ZFP57: variants seen among roughly 807,000 people sequenced by gnomAD.
The protein encoded by ZFP57 is ZFP57 zinc finger protein, also known as zinc finger protein 57 homolog.
A neutral mutation model predicts 15.8 loss-of-function variants in ZFP57; 12 were observed. The observed-to-expected ratio is 0.76, with a 90% CI of 0.49 to 1.23. ZFP57 has a LOEUF of 1.23. ZFP57 is among the 50% of genes most tolerant of loss of function. ZFP57 has a pLI of 0.00. For missense variants in ZFP57, 536 were observed against 654.9 expected (o/e 0.82, Z 1.98); for synonymous variants, 203 against 242.3 (o/e 0.84, Z 1.51).
chr6:29,672,481 G>C, downstream of ZFP57: 2 of 1,612,806 alleles, frequency 1.2e-6, no homozygotes, highest in Non-Finnish European at 1.7e-6. Context: ...CAAAGAAAGA[G>C]CTCAGTCAGA....
At position 29,673,294 on chromosome 6, in the gene ZFP57, C is replaced by T; in HGVS notation, c.817G>A (p.Glu273Lys). ...TGTATCTTCTGGTGGCGTTTGAGCTCAGACTGGTCCCGGAAGCTCTTCCCA... is the reference window on the plus strand; with the variant it reads ...TGTATCTTCTGGTGGCGTTTGAGCTTAGACTGGTCCCGGAAGCTCTTCCCA... ...VCGKSFRDQS[E>K]LKRHQKIHQN... is the part of the protein sequence containing the mutation. Residue 273 changes from glutamate to lysine, a missense_variant, in exon 5 of 5, where the codon GAG (glutamate) becomes AAG (lysine). Glu to Lys is a moderately conservative substitution (Grantham distance 56). Coordinates refer to ENST00000376883, the MANE Select transcript of ZFP57 (RefSeq NM_001109809.5). This position sits in a 1 kb window ranked among gnomAD's most constrained non-coding sequence, Gnocchi z 4.7. 6.2e-7 allele frequency: 1 copy of T among 1,613,042 alleles called. No individual in the cohort carries two copies. The highest frequency in any genetic ancestry group is 8.5e-7 in the Non-Finnish European group (1 of 1,180,034).
At chr6:29,678,203 CA>C (rs895230301) in intron 1 of ZFP57, among the ~76,000 whole-genome samples, 44 of 151,502 alleles carry the variant, frequency 2.9e-4, no homozygotes, top group African/African-American at 1.0e-3. Context: ...GACTCCGTCT[CA>C]AAAAAAAATC....
chr6:29,673,539 T>C lies in ZFP57; in HGVS notation c.572A>G (p.Tyr191Cys), dbSNP rs368581073. The change falls in exon 5 of 5, where the codon TAT (tyrosine) becomes TGT (cysteine). Residue 191 changes from tyrosine (Y) to cysteine (C), a missense_variant. Physicochemically the swap from Tyr to Cys is radical, Grantham distance 194. Coordinates refer to ENST00000376883, the MANE Select transcript of ZFP57 (RefSeq NM_001109809.5). This position sits in a 1 kb window ranked among gnomAD's most constrained non-coding sequence, Gnocchi z 4.7. ...GGGATTGTGAACAAACTGGTGGCTA[T>C]AGAGGTAGGAGCGCCTGCTGAAACA... ...GKCFSRRSYLYSHQFVHNPKL... is the reference protein window; with the variant it reads ...GKCFSRRSYLCSHQFVHNPKL... 1.4e-5 allele frequency: 23 copies of C among 1,612,958 alleles called. No homozygotes were observed. The highest frequency in any genetic ancestry group is 1.9e-5 in the Non-Finnish European group (23 of 1,180,040).
intron 1 of ZFP57, among the ~76,000 whole-genome samples, chr6:29,678,595 TGAGA>T (rs56720368): frequency 0.087 from 13,284 of 152,244 alleles, 854 homozygotes; most frequent in African/African-American, 0.18. Flanking sequence ...TAAATTATTT[TGAGA>T]GAGATACCAC....
chr6:29,673,518 T>C lies in ZFP57; in HGVS notation c.593A>G (p.Asn198Ser), dbSNP rs9461544. The change falls in exon 5 of 5, where the codon AAT becomes AGT. Residue 198 changes from asparagine (N) to serine (S), a missense_variant. By Grantham distance (46) the Asn-to-Ser change is conservative. Transcript: ENST00000376883. This position sits in a 1 kb window ranked among gnomAD's most constrained non-coding sequence, Gnocchi z 4.7. ...ACTGCAGCTGTTAGTCAGCTTGGGA[T>C]TGTGAACAAACTGGTGGCTATAGAG... is the stretch of plus-strand genomic sequence containing the variant. ...SYLYSHQFVHNPKLTNSCSQC... is the reference protein window; with the variant it reads ...SYLYSHQFVHSPKLTNSCSQC... 3.8e-3 allele frequency: 6,159 copies of C among 1,613,052 alleles called. 183 individuals are homozygous for C. In the African/African-American group the frequency reaches 0.069, roughly 18 times the overall value.
intron 1 of ZFP57, among the ~76,000 whole-genome samples, chr6:29,679,910 CAAA>C (rs67398923): frequency 1.3e-4 from 14 of 107,296 alleles, no homozygotes; most frequent in East Asian, 3.2e-4. Context: ...AACAAACAAA[CAAA>C]AAAAAACGCC....
At position 29,673,391 on chromosome 6, in the gene ZFP57, G is replaced by C; in HGVS notation, c.720C>G (p.Tyr240Ter). 2 of 1,613,086 alleles carry C rather than the reference G, an allele frequency of 1.2e-6. No individual in the cohort carries two copies. Residue 240 changes from tyrosine (Y) to a stop codon, truncating the protein, a stop_gained, in exon 5 of 5, where the codon TAC (tyrosine) becomes TAG (stop). Coordinates refer to ENST00000376883, the MANE Select transcript of ZFP57 (RefSeq NM_001109809.5). LOFTEE classifies it low-confidence loss of function (END_TRUNC). The surrounding 1 kb of genome is among the most constrained non-coding windows in gnomAD (Gnocchi z 4.7). ...PFCCTLCDKT[Y>*]CDASGLSRHR... ...GACGACTTAGTCCAGAAGCATCACA[G>C]TAGGTCTTGTCACAGAGCGTGCAAC...
Position 29,673,340 on chromosome 6 carries a change from C to G in ZFP57, c.771G>C (p.Arg257=). 1 of 1,613,034 alleles carries G rather than the reference C, an allele frequency of 6.2e-7. No homozygotes were observed. The highest frequency in any genetic ancestry group is 1.1e-5 in the South Asian group (1 of 91,084). The change falls in exon 5 of 5, where the codon CGG becomes CGC. Residue 257 remains arginine, a synonymous_variant. Coordinates refer to ENST00000376883, the MANE Select transcript of ZFP57 (RefSeq NM_001109809.5). This position sits in a 1 kb window ranked among gnomAD's most constrained non-coding sequence, Gnocchi z 4.7. ...SRHRRVHLGY[R]PHSCSVCGKS... Reference sequence around the variant, plus strand: ...TCCCACACACAGAGCATGAATGGGGCCGGTAACCCAGATGGACGCGGCGGT... The same window carrying G: ...TCCCACACACAGAGCATGAATGGGGGCGGTAACCCAGATGGACGCGGCGGT...
rs1771862666 is a variant in ZFP57, at chr6:29,673,526, A to C, written c.585T>G (p.Phe195Leu). Residue 195 changes from phenylalanine to leucine, a missense_variant, in exon 5 of 5, where the codon TTT becomes TTG. Phe to Leu is a conservative substitution (Grantham distance 22, BLOSUM62 0). Coordinates refer to ENST00000376883, the MANE Select transcript of ZFP57 (RefSeq NM_001109809.5). This position sits in a 1 kb window ranked among gnomAD's most constrained non-coding sequence, Gnocchi z 4.7. ...SRRSYLYSHQ[F>L]VHNPKLTNSC... ...TGTTAGTCAGCTTGGGATTGTGAAC[A>C]AACTGGTGGCTATAGAGGTAGGAGC... The C allele has an allele frequency of 6.2e-7, 1 of 1,612,968 alleles. No homozygotes were observed. The highest frequency in any genetic ancestry group is 1.3e-5 in the African/African-American group (1 of 74,928).
intron 2 of ZFP57, among the ~76,000 whole-genome samples, chr6:29,676,451 G>A (rs1302138871): frequency 2.7e-5 from 4 of 150,602 alleles, no homozygotes; most frequent in Non-Finnish European, 5.9e-5. Context: ...CAGGAGAATT[G>A]CTTGAGCCCG....
intron 4 of ZFP57, among the ~76,000 whole-genome samples, chr6:29,674,986 C>T (rs1364506811): frequency 6.6e-6 from 1 of 151,920 alleles, no homozygotes; most frequent in Admixed American, 6.6e-5. Context: ...AACCCTGTCT[C>T]TACTAAAAAT....
intron 1 of ZFP57, among the ~76,000 whole-genome samples, chr6:29,679,704 C>A (rs1049263381): frequency 6.6e-6 from 1 of 152,180 alleles, no homozygotes; most frequent in African/African-American, 2.4e-5. Context: ...GCCTGACCAA[C>A]ATGGACCTCG....
At chr6:29,674,663 G>C (rs998418205) in intron 4 of ZFP57, among the ~76,000 whole-genome samples, 6 of 152,274 alleles carry the variant, frequency 3.9e-5, no homozygotes, top group Non-Finnish European at 5.9e-5. Flanking sequence ...TATCAGCCTG[G>C]CTTGATATCT....
In ZFP57 at chr6:29,673,543, G is replaced by C; in HGVS notation, c.568C>G (p.Leu190Val). The change falls in exon 5 of 5, where the codon CTC becomes GTC. Residue 190 changes from leucine (L) to valine (V), a missense_variant. Leu to Val is a conservative substitution (Grantham distance 32). Transcript: ENST00000376883. This position sits in a 1 kb window ranked among gnomAD's most constrained non-coding sequence, Gnocchi z 4.7. ...TTGTGAACAAACTGGTGGCTATAGA[G>C]GTAGGAGCGCCTGCTGAAACATTTG... Reference protein sequence around the residue: ...CGKCFSRRSYLYSHQFVHNPK... With the variant: ...CGKCFSRRSYVYSHQFVHNPK... The C allele has an allele frequency of 6.2e-7, 1 of 1,613,104 alleles. No homozygotes were observed. Among genetic ancestry groups the C allele is most frequent in the Non-Finnish European group, 8.5e-7 (1 of 1,180,038 alleles).
At chr6:29,679,161 A>C (rs1227551700) in intron 1 of ZFP57, among the ~76,000 whole-genome samples, 1 of 152,250 alleles carries the variant, frequency 6.6e-6, no homozygotes, top group Non-Finnish European at 1.5e-5. Flanking sequence ...TTCAGGGCTC[A>C]CAATGAGCCC....
rs1583179644 is a variant in ZFP57, at chr6:29,675,954, AG to A, written c.228del (p.Phe77LeufsTer4). 1.2e-6 allele frequency: 2 copies of A among 1,613,292 alleles called. No individual in the cohort carries two copies. Among genetic ancestry groups the A allele is most frequent in the African/African-American group, 2.7e-5 (2 of 75,050 alleles). ...RVLYQDVMSE[T>X]FKNLTSVARI... Reference sequence around the variant, plus strand: ...TTACCCACAGATGTTAGATTCTTAAAGGTTTCCGACATAACATCCTGGTAAA... The same window carrying A: ...TTACCCACAGATGTTAGATTCTTAAAGTTTCCGACATAACATCCTGGTAAA... On this transcript the variant is annotated frameshift_variant, in exon 3 of 5. Coordinates refer to ENST00000376883, the MANE Select transcript of ZFP57 (RefSeq NM_001109809.5). LOFTEE classifies it high-confidence loss of function.
chr6:29,673,890 T>C lies in ZFP57; in HGVS notation c.353-132A>G, dbSNP rs1001595991. The C allele has an allele frequency of 6.8e-6, 7 of 1,025,130 alleles. No individual in the cohort carries two copies. Among genetic ancestry groups the C allele is most frequent in the African/African-American group, 6.3e-5 (4 of 63,242 alleles). 63.5% of individuals were successfully genotyped at this position (1,025,130 alleles called of 1,614,324 possible). A position where few individuals can be genotyped will look rare whatever the true frequency, so the allele number is the denominator to read the frequency against. ...CAGCGGATCACCTGAGGTTAGGAGT[T>C]CGAAACCAGCCTGACCAACATGGTG... is the stretch of plus-strand genomic sequence containing the variant. On this transcript the variant is annotated intron_variant, in intron 4 of 4. Transcript: ENST00000376883. The surrounding 1 kb of genome is among the most constrained non-coding windows in gnomAD (Gnocchi z 4.7).
intron 2 of ZFP57, among the ~76,000 whole-genome samples, chr6:29,676,356 T>C (rs1425326237): frequency 6.6e-6 from 1 of 151,442 alleles, no homozygotes; most frequent in Non-Finnish European, 1.5e-5. Flanking sequence ...ACCAATATGG[T>C]GAAACCTGGT....
At position 29,672,702 on chromosome 6, in the gene ZFP57, C is replaced by T. The variant is rs993966100; in HGVS notation, c.1409G>A (p.Ser470Asn). ...RGYKGKDLCQ[S>N]SHHKCRVILG... Reference sequence around the variant, plus strand: ...GATCACCCGGCATTTATGGTGGCTGCTCTGGCACAGGTCCTTGCCTTTATA... The same window carrying T: ...GATCACCCGGCATTTATGGTGGCTGTTCTGGCACAGGTCCTTGCCTTTATA... The change falls in exon 5 of 5, where the codon AGC (serine) becomes AAC (asparagine). Residue 470 changes from serine (S) to asparagine (N), a missense_variant. By Grantham distance (46) the Ser-to-Asn change is conservative (BLOSUM62 1). Transcript: ENST00000376883. The T allele has an allele frequency of 6.2e-7, 1 of 1,612,834 alleles. No individual in the cohort carries two copies. Among genetic ancestry groups the T allele is most frequent in the Non-Finnish European group, 8.5e-7 (1 of 1,179,994 alleles).
Sources: allele counts gnomAD v4.1 joint callset (sites outside exome capture counted in the v4.1 genomes callset), GRCh38; gene constraint gnomAD v4.1.1; non-coding constraint Gnocchi (gnomAD v3.1); transcripts MANE v1.5; gene names NCBI Gene and HGNC (gene_info 2026-07-23, HGNC 2026-07-21).